The following PRKAR2B variants were observed in gnomAD, a reference collection of about 807,000 sequenced individuals.
The protein encoded by PRKAR2B is protein kinase cAMP-dependent type II regulatory subunit beta, also known as cAMP-dependent protein kinase type II-beta regulatory subunit.
PRKAR2B carries 14 observed loss-of-function variants against 49.9 expected under a neutral mutation model. That is an observed-to-expected ratio of 0.28 (90% confidence interval 0.19 to 0.44). PRKAR2B has a LOEUF of 0.44. PRKAR2B is among the 20% of genes least tolerant of loss of function. The probability of loss-of-function intolerance (pLI) is 1.00; values close to 1 mark genes in which losing one functional copy is unlikely to be tolerated. For missense variants in PRKAR2B, 393 were observed against 537.9 expected, an observed-to-expected ratio of 0.73 and a Z score of 2.67; for synonymous variants, 196 against 197.7, an observed-to-expected ratio of 0.99 and a Z score of 0.07.
rs745358689 is a variant in PRKAR2B at position 107,128,229 on chromosome 7, T to C, written c.414T>C (p.Thr138=). 1 of 1,611,576 alleles carries C rather than the reference T, an allele frequency of 6.2e-7. No homozygotes were observed. The highest frequency in any genetic ancestry group is 8.5e-7 in the Non-Finnish European group (1 of 1,177,718). ...DAESRIIHPK[T]DDQRNRLQEA... The stretch of plus-strand genomic sequence containing the variant: ...CCTTTTAGATTATACATCCAAAAAC[T>C]GATGATCAAAGAAATAGGTTGCAAG... Residue 138 remains threonine (T), a synonymous_variant, in exon 4 of 11, where the codon ACT becomes ACC. Transcript: ENST00000265717.
intron 2 of PRKAR2B, among the ~76,000 whole-genome samples, chr7:107,073,148 A>G (rs1794315240): frequency 6.6e-6 from 1 of 152,240 alleles, no homozygotes; most frequent in Admixed American, 6.5e-5. Flanking sequence ...TACTGCATCT[A>G]TCAAACATAA....
At chr7:107,056,184 G>T (rs139367438) in intron 1 of PRKAR2B, among the ~76,000 whole-genome samples, 2,068 of 152,182 alleles carry the variant, frequency 0.014, 51 homozygotes, top group African/African-American at 0.044. Flanking sequence ...TATCTCTGTT[G>T]TGGTACCAGT....
intron 3 of PRKAR2B, among the ~76,000 whole-genome samples, chr7:107,126,671 A>G (rs1795502085): frequency 6.6e-6 from 1 of 152,096 alleles, no homozygotes; most frequent in Admixed American, 6.5e-5. Context: ...TTGAAGTTCT[A>G]GATGGATTTT....
At position 107,132,787 on chromosome 7, in the gene PRKAR2B, T is replaced by C. The variant is rs537195950; in HGVS notation, c.480+4492T>C. ...TTGTGTCTACTATTTCATTTGAATT[T>C]CCCGAAGTCATTATTTAGCTTGAAA... On this transcript the variant is annotated intron_variant, in intron 4 of 10. Transcript: ENST00000265717. Among the ~76,000 whole-genome samples the C allele has an allele frequency of 1.5e-4, 23 of 152,308 alleles. No homozygotes were observed. In the East Asian group the frequency reaches 4.4e-3, roughly 29 times the overall value.
At chr7:107,152,114 C>T (rs1795999528) in intron 7 of PRKAR2B, among the ~76,000 whole-genome samples, 1 of 152,164 alleles carries the variant, frequency 6.6e-6, no homozygotes, top group African/African-American at 2.4e-5. Context: ...GGCCAAAAAC[C>T]TTCGAGTTAG....
chr7:107,108,271 G>A (rs561854851), intron 2 of PRKAR2B, among the ~76,000 whole-genome samples: 4 of 152,216 alleles, frequency 2.6e-5, no homozygotes, highest in African/African-American at 9.6e-5. Context: ...ACCAAAAGAG[G>A]ATTCAAAACA....
intron 2 of PRKAR2B, among the ~76,000 whole-genome samples, chr7:107,088,979 G>T (rs1794672160): frequency 6.6e-6 from 1 of 151,908 alleles, no homozygotes; most frequent in African/African-American, 2.4e-5. Flanking sequence ...GACTAGCCTG[G>T]GCAACATGGT....
At position 107,074,920 on chromosome 7, in the gene PRKAR2B, T is replaced by C. The variant is rs143554268; in HGVS notation, c.343+4604T>C. On this transcript the variant is annotated intron_variant, in intron 2 of 10. Transcript: ENST00000265717. ...CTGTTGCTTCACTGTTCACCTAATA[T>C]ATAGAAAAGATCCTAGGGTTTGAAG... 3.5e-3 allele frequency among the ~76,000 whole-genome samples: 531 copies of C among 152,260 alleles called. 1 individual carries two copies. Among genetic ancestry groups the C allele is most frequent in the African/African-American group, 0.012 (488 of 41,554 alleles).
intron 2 of PRKAR2B, among the ~76,000 whole-genome samples, chr7:107,082,710 C>A (rs188725911): frequency 3.3e-4 from 50 of 152,274 alleles, no homozygotes; most frequent in African/African-American, 1.2e-3. Context: ...CCTCCCTCTG[C>A]AGCCTCTTGA....
At chr7:107,047,344 T>G (rs1793716999) in intron 1 of PRKAR2B, among the ~76,000 whole-genome samples, 1 of 152,212 alleles carries the variant, frequency 6.6e-6, no homozygotes, top group Non-Finnish European at 1.5e-5. Context: ...CATTTAATTA[T>G]AGGCTACAAA....
At chr7:107,121,717 T>C (rs998605235) in intron 2 of PRKAR2B, among the ~76,000 whole-genome samples, 13 of 152,124 alleles carry the variant, frequency 8.5e-5, no homozygotes, top group African/African-American at 3.1e-4. Flanking sequence ...TTTCTCTAAA[T>C]AGGAGAAATA....
At chr7:107,147,157 A>G (rs913516883) in intron 6 of PRKAR2B, among the ~76,000 whole-genome samples, 4 of 152,156 alleles carry the variant, frequency 2.6e-5, no homozygotes, top group African/African-American at 9.7e-5. Context: ...TAAAAATACA[A>G]AAAATTAGCC....
intron 4 of PRKAR2B, among the ~76,000 whole-genome samples, chr7:107,131,908 T>C (rs1400943442): frequency 3.9e-5 from 6 of 152,246 alleles, no homozygotes; most frequent in Admixed American, 6.5e-5. Flanking sequence ...GCAGCTCCTT[T>C]CATTTTAATT....
chr7:107,081,953 TA>T (rs1794522992), intron 2 of PRKAR2B: 1 of 152,102 alleles, frequency 6.6e-6, no homozygotes, highest in East Asian at 1.9e-4. Flanking sequence ...TAAAAACAGG[TA>T]TGGATACTTT....
At position 107,121,130 on chromosome 7, in the gene PRKAR2B, C is replaced by T. The variant is rs549192789; in HGVS notation, c.344-822C>T. On this transcript the variant is annotated intron_variant, in intron 2 of 10. Transcript: ENST00000265717. ...GGGGGTCTTATTACATATTTTTTGT[C>T]GGACAATCGATAGGTACAATCCTTC... is the stretch of plus-strand genomic sequence containing the variant. Among the ~76,000 whole-genome samples the T allele has an allele frequency of 1.3e-4, 20 of 151,662 alleles. No individual in the cohort carries two copies. In the East Asian group the frequency reaches 1.9e-3, roughly 15 times the overall value.
intron 4 of PRKAR2B, among the ~76,000 whole-genome samples, chr7:107,134,566 A>G (rs956925513): frequency 1.7e-4 from 26 of 152,226 alleles, no homozygotes; most frequent in African/African-American, 6.0e-4. Flanking sequence ...ACAAAGTTGC[A>G]GGATTCACAT....
intron 4 of PRKAR2B, among the ~76,000 whole-genome samples, chr7:107,131,116 T>G (rs1795598540): frequency 6.6e-6 from 1 of 152,222 alleles, no homozygotes; most frequent in Non-Finnish European, 1.5e-5. Context: ...TGTGAAAATG[T>G]TCAAGTTCAG....
intron 2 of PRKAR2B, among the ~76,000 whole-genome samples, chr7:107,094,624 G>GT (rs1313121841): frequency 6.6e-6 from 1 of 152,146 alleles, no homozygotes; most frequent in Non-Finnish European, 1.5e-5. Context: ...TTTCTTCTAG[G>GT]TTTTTTATGG....
chr7:107,077,558 T>C (rs1344760197), intron 2 of PRKAR2B, among the ~76,000 whole-genome samples: 2 of 152,244 alleles, frequency 1.3e-5, no homozygotes, highest in Admixed American at 6.5e-5. Context: ...TTTCACCATA[T>C]GTTGCTATGC....
Sources: allele counts gnomAD v4.1 joint callset (sites outside exome capture counted in the v4.1 genomes callset), GRCh38; gene constraint gnomAD v4.1.1; transcripts MANE v1.5; gene names NCBI Gene and HGNC (gene_info 2026-07-23, HGNC 2026-07-21).